PVT1: variants seen among roughly 807,000 people sequenced by gnomAD.
PVT1 encodes the protein CXCR4/PVT1 fusion.
chr8:127,893,319 C>G (rs1815633958), intron 3 of PVT1, among the ~76,000 whole-genome samples: 2 of 152,102 alleles, frequency 1.3e-5, no homozygotes, highest in Non-Finnish European at 2.9e-5. Flanking sequence ...CTCTATCATC[C>G]AGGCTGGAGT....
intron 4 of PVT1, among the ~76,000 whole-genome samples, chr8:128,056,388 C>T (rs907699977): frequency 2.0e-5 from 3 of 152,130 alleles, no homozygotes; most frequent in Admixed American, 6.5e-5. Flanking sequence ...TATGTGTCTG[C>T]GTATACACCT....
At chr8:127,927,602 G>C (rs1394487185) in intron 3 of PVT1, among the ~76,000 whole-genome samples, 2 of 152,154 alleles carry the variant, frequency 1.3e-5, no homozygotes, top group Non-Finnish European at 2.9e-5. Context: ...CATGAATGTG[G>C]GGGTGTATGA....
At chr8:127,912,004 A>C (rs1260230935) in intron 3 of PVT1, among the ~76,000 whole-genome samples, 1 of 152,212 alleles carries the variant, frequency 6.6e-6, no homozygotes, top group Non-Finnish European at 1.5e-5. Context: ...AGAGGGCAGC[A>C]GAGTAACCAG....
At chr8:128,022,568 G>A (rs979743923) in intron 4 of PVT1, among the ~76,000 whole-genome samples, 2 of 152,186 alleles carry the variant, frequency 1.3e-5, no homozygotes, top group Non-Finnish European at 2.9e-5. Flanking sequence ...TCTGGTGTCC[G>A]GTTCACTCTT....
chr8:128,093,860 A>G (rs1034656403), intron 5 of PVT1, among the ~76,000 whole-genome samples: 1 of 151,876 alleles, frequency 6.6e-6, no homozygotes, highest in African/African-American at 2.4e-5. Context: ...GTGGTCTCAA[A>G]CTCCTGACCT....
At chr8:128,097,584 A>G (rs2648904) in intron 6 of PVT1, among the ~76,000 whole-genome samples, 103,692 of 151,990 alleles carry the variant, frequency 0.68, 35,782 homozygotes, top group Non-Finnish European at 0.74. Flanking sequence ...AGTACTGACC[A>G]CACCCCAGGC....
At chr8:127,799,992 A>AG (rs1482811527) in intron 2 of PVT1, among the ~76,000 whole-genome samples, 1 of 152,198 alleles carries the variant, frequency 6.6e-6, no homozygotes, top group African/African-American at 2.4e-5. Flanking sequence ...CAGGAATCAA[A>AG]GGGCTGTCCC....
chr8:127,971,705 C>T lies in PVT1; in HGVS notation n.783-17457C>T, dbSNP rs568537437. 2.6e-5 allele frequency among the ~76,000 whole-genome samples: 4 copies of T among 152,210 alleles called. No individual in the cohort carries two copies. In the South Asian group the frequency reaches 6.2e-4, roughly 24 times the overall value. ...CTCTCTGGGCCTCGCTTTTCTCATC[C>T]GTAAAATGGGGATAAGGACAGCATC... On this transcript the variant is annotated intron_variant and non_coding_transcript_variant, in intron 3 of 10. Transcript: ENST00000651587.
chr8:127,843,138 T>C (rs1814991283), intron 2 of PVT1, among the ~76,000 whole-genome samples: 1 of 152,088 alleles, frequency 6.6e-6, no homozygotes, highest in African/African-American at 2.4e-5. Flanking sequence ...GGTGGATCAC[T>C]TGAGGTCAGG....
chr8:127,962,122 ACT>A (rs1361591572), intron 3 of PVT1, among the ~76,000 whole-genome samples: 6 of 151,944 alleles, frequency 3.9e-5, no homozygotes, highest in Admixed American at 3.9e-4. Context: ...CTGCAGGGGC[ACT>A]CCCAGCTAAT....
At chr8:127,795,933 G>C (rs921455635) in exon 2 of PVT1, 1 of 170,536 alleles carries the variant, frequency 5.9e-6, no homozygotes, top group South Asian at 2.0e-4. Context: ...GCTGCAGAAG[G>C]ACAAATACAG....
intron 2 of PVT1, among the ~76,000 whole-genome samples, chr8:127,801,216 G>A (rs1266556144): frequency 6.6e-6 from 1 of 152,148 alleles, no homozygotes; most frequent in Non-Finnish European, 1.5e-5. Flanking sequence ...CTGTAAAATG[G>A]GGAGCCCTTG....
At chr8:128,037,130 G>C (rs959913971) in intron 4 of PVT1, among the ~76,000 whole-genome samples, 2 of 152,204 alleles carry the variant, frequency 1.3e-5, no homozygotes, top group Admixed American at 1.3e-4. Context: ...AGAGGCAGGG[G>C]TGCCCGAGAC....
At chr8:127,902,355 T>A (rs777686788) in intron 3 of PVT1, among the ~76,000 whole-genome samples, 3 of 152,054 alleles carry the variant, frequency 2.0e-5, no homozygotes, top group Admixed American at 6.6e-5. Flanking sequence ...GTTCCGGCTG[T>A]GTGCAAGGCA....
chr8:127,818,200 A>G (rs1198654181), intron 2 of PVT1, among the ~76,000 whole-genome samples: 1 of 152,162 alleles, frequency 6.6e-6, no homozygotes, highest in Non-Finnish European at 1.5e-5. Context: ...TAGACTTGAA[A>G]TGTAGGCCTG....
At chr8:127,945,134 T>C (rs1816404543) in intron 3 of PVT1, among the ~76,000 whole-genome samples, 1 of 152,204 alleles carries the variant, frequency 6.6e-6, no homozygotes, top group Admixed American at 6.5e-5. Context: ...CGAGTGTTTT[T>C]CAAGGGCCAG....
At chr8:127,914,134 A>G (rs1049161019) in intron 3 of PVT1, among the ~76,000 whole-genome samples, 14 of 152,000 alleles carry the variant, frequency 9.2e-5, no homozygotes, top group African/African-American at 3.1e-4. Flanking sequence ...AGTTATATAA[A>G]TGGCCAATAA....
At chr8:128,009,896 G>C (rs1327893441) in intron 4 of PVT1, among the ~76,000 whole-genome samples, 1 of 152,150 alleles carries the variant, frequency 6.6e-6, no homozygotes, top group Non-Finnish European at 1.5e-5. Context: ...TCTGACATAG[G>C]AACTACATTT....
At chr8:127,924,925 G>A (rs1364351925) in intron 3 of PVT1, among the ~76,000 whole-genome samples, 2 of 152,126 alleles carry the variant, frequency 1.3e-5, no homozygotes, top group Admixed American at 6.5e-5. Flanking sequence ...TGGGATTATA[G>A]GCAGGAGCCA....
Sources: gnomAD v4.1 joint callset for allele counts (sites outside exome capture counted in the v4.1 genomes callset) on GRCh38, gnomAD v4.1.1 for gene constraint, MANE v1.5 for transcripts, NCBI Gene and HGNC (gene_info 2026-07-23, HGNC 2026-07-21) for gene names.